The following CNOT2 variants were observed in gnomAD, a reference collection of about 807,000 sequenced individuals.
CNOT2 encodes CC chemokine receptor 4-negative regulator of transcription 2.
Under a neutral mutation model 72.1 loss-of-function variants are expected in CNOT2, and 7 were observed. The ratio of observed to expected loss-of-function variants is 0.10; its 90% CI spans 0.06 to 0.18. The LOEUF is 0.18. Among genes scored for constraint, CNOT2 ranks in the 10% least tolerant of loss-of-function variants. The pLI is 1.00. For missense variants in CNOT2, 345 were observed against 660.3 expected (o/e 0.52, Z 5.23); for synonymous variants, 196 against 225.6 (o/e 0.87, Z 1.17).
At chr12:70,251,756 CTG>C (rs1225486199) in intron 1 of CNOT2, among the ~76,000 whole-genome samples, 1 of 152,122 alleles carries the variant, frequency 6.6e-6, no homozygotes, top group Non-Finnish European at 1.5e-5. Context: ...CTTTGAAACT[CTG>C]TAGTCTATCT....
At chr12:70,329,315 G>T (rs887527830) in intron 4 of CNOT2, 108 bp from the exon 5 acceptor site, 2 of 684,706 alleles carry the variant, frequency 2.9e-6, no homozygotes, top group Non-Finnish European at 4.9e-6. Flanking sequence ...TAAAATTTGC[G>T]TACTATGTTA....
At chr12:70,352,361 G>A (rs1882976469) in intron 15 of CNOT2, among the ~76,000 whole-genome samples, 1 of 152,100 alleles carries the variant, frequency 6.6e-6, no homozygotes, top group African/African-American at 2.4e-5. Context: ...AAAATTAGCT[G>A]TATCTCTAAT....
intron 13 of CNOT2, 58 bp from the exon 14 acceptor site, chr12:70,344,070 T>C: frequency 8.6e-7 from 1 of 1,166,418 alleles, no homozygotes; most frequent in African/African-American, 1.7e-5. Context: ...GTAGCAACTA[T>C]ATATTAGGAT....
intron 1 of CNOT2, among the ~76,000 whole-genome samples, chr12:70,265,969 T>G (rs1447967523): frequency 6.6e-6 from 1 of 151,534 alleles, no homozygotes; most frequent in Non-Finnish European, 1.5e-5. Context: ...TCTCTTATAG[T>G]CAGAAAATAT....
chr12:70,344,950 G>C (rs1429784010), intron 14 of CNOT2: 2 of 152,138 alleles, frequency 1.3e-5, no homozygotes, highest in Non-Finnish European at 2.9e-5. Context: ...TGTACGTTTT[G>C]AAGTGCTGAT....
intron 6 of CNOT2, among the ~76,000 whole-genome samples, chr12:70,332,037 C>T (rs576701109): frequency 7.1e-4 from 107 of 151,208 alleles, no homozygotes; most frequent in African/African-American, 2.3e-3. Flanking sequence ...TAACTATTTA[C>T]GAAATACCAG....
chr12:70,330,267 A>G lies in CNOT2; in HGVS notation c.387-20A>G, dbSNP rs1001331344. On this transcript the variant is annotated intron_variant, in intron 5 of 15. Transcript: ENST00000229195. ...AGTGATTGTAGAGAGCTTATTTAGT[A>G]TAATGGACTTCTTTTTCAGGGGTAT... is the stretch of plus-strand genomic sequence containing the variant. The G allele has an allele frequency of 7.4e-7, 1 of 1,347,708 alleles. No individual in the cohort carries two copies. The highest frequency in any genetic ancestry group is 1.1e-6 in the Non-Finnish European group (1 of 948,022). The allele number at this position is 1,347,708 out of a possible 1,614,324, so 83.5% of individuals were successfully genotyped here.
chr12:70,272,958 A>G (rs1221946655), intron 1 of CNOT2, among the ~76,000 whole-genome samples: 1 of 152,110 alleles, frequency 6.6e-6, no homozygotes, highest in Non-Finnish European at 1.5e-5. Context: ...TATTGATGAT[A>G]TATCTTTGTG....
At chr12:70,303,596 C>T (rs961338482) in intron 2 of CNOT2, among the ~76,000 whole-genome samples, 3 of 152,130 alleles carry the variant, frequency 2.0e-5, no homozygotes, top group Admixed American at 6.5e-5. Context: ...GCTTTTAGTC[C>T]GATGGGCTTC....
chr12:70,304,784 G>C (rs990437178), intron 2 of CNOT2, among the ~76,000 whole-genome samples: 3 of 152,250 alleles, frequency 2.0e-5, no homozygotes, highest in Non-Finnish European at 4.4e-5. Context: ...GGAGCCTACA[G>C]AGGCAGGCAG....
At chr12:70,257,769 G>T (rs754732570) in intron 1 of CNOT2, among the ~76,000 whole-genome samples, 1 of 152,102 alleles carries the variant, frequency 6.6e-6, no homozygotes, top group South Asian at 2.1e-4. Flanking sequence ...TAGATCATGA[G>T]TAGGGACAAG....
At chr12:70,257,462 G>A (rs1242557172) in intron 1 of CNOT2, among the ~76,000 whole-genome samples, 1 of 148,124 alleles carries the variant, frequency 6.8e-6, no homozygotes. Context: ...CCGGGTTCAC[G>A]CCATTCTCCT....
chr12:70,339,045 T>C (rs1009958583), intron 11 of CNOT2, among the ~76,000 whole-genome samples: 2 of 142,754 alleles, frequency 1.4e-5, no homozygotes, highest in Non-Finnish European at 3.0e-5. Context: ...TGTGTGTGTG[T>C]GTGTGCATGT....
At position 70,335,524 on chromosome 12, in the gene CNOT2, A is replaced by G. The variant is rs1880563774; in HGVS notation, c.736A>G (p.Thr246Ala). The change falls in exon 8 of 16, where the codon ACT becomes GCT. Residue 246 changes from threonine (T) to alanine (A), a missense_variant. This residue lies in a region of CNOT2 where 128 missense variants were observed against 233.0 expected (regional missense o/e 0.55). Coordinates refer to ENST00000229195, the MANE Select transcript of CNOT2 (RefSeq NM_014515.7). The part of the protein sequence containing the change: ...RNRREGSGNP[T>A]PLINPLAGRA... ...CAGGAGGGAAGGAAGTGGTAACCCA[A>G]CTCCATTAATAAACCCCTTGGCTGG... is the stretch of plus-strand genomic sequence containing the variant. 2 of 1,609,170 alleles carry G rather than the reference A, an allele frequency of 1.2e-6. No homozygotes were observed. The highest frequency in any genetic ancestry group is 1.1e-5 in the South Asian group (1 of 90,978).
intron 1 of CNOT2, among the ~76,000 whole-genome samples, chr12:70,248,114 T>C (rs1228565707): frequency 6.6e-6 from 1 of 152,342 alleles, no homozygotes; most frequent in Non-Finnish European, 1.5e-5. Context: ...ATGGCTATTA[T>C]GTGAAGGAGA....
chr12:70,296,108 A>G (rs1309126586), intron 2 of CNOT2, among the ~76,000 whole-genome samples: 1 of 152,094 alleles, frequency 6.6e-6, no homozygotes, highest in Non-Finnish European at 1.5e-5. Context: ...GGATTAGGAA[A>G]GAGTGATGTG....
intron 3 of CNOT2, among the ~76,000 whole-genome samples, chr12:70,316,526 C>T (rs1234204633): frequency 6.6e-6 from 1 of 152,124 alleles, no homozygotes; most frequent in Non-Finnish European, 1.5e-5. Flanking sequence ...ATTTTTGACA[C>T]ATTTTGAGGC....
intron 1 of CNOT2, among the ~76,000 whole-genome samples, chr12:70,264,885 C>G (rs1565742657): frequency 6.6e-6 from 1 of 152,060 alleles, no homozygotes; most frequent in Non-Finnish European, 1.5e-5. Context: ...AGAACACTCC[C>G]CAGAGCACTG....
At chr12:70,319,185 A>T (rs1877875213) in intron 3 of CNOT2, 113 bp from the exon 4 acceptor site, 1 of 802,890 alleles carries the variant, frequency 1.2e-6, no homozygotes, top group Non-Finnish European at 1.9e-6. Context: ...TTTCTGAAGA[A>T]TGAGAAAATG....
Sources: allele counts gnomAD v4.1 joint callset (sites outside exome capture counted in the v4.1 genomes callset), GRCh38; gene constraint gnomAD v4.1.1; regional missense constraint gnomAD v4.1.1; transcripts MANE v1.5; gene names NCBI Gene and HGNC (gene_info 2026-07-23, HGNC 2026-07-21).